Variants in ATP9B observed in about 807,000 individuals in gnomAD.
ATP9B encodes ATPase phospholipid transporting 9B.
Under a neutral mutation model 146.1 loss-of-function variants are expected in ATP9B, and 110 were observed. The ratio of observed to expected loss-of-function variants is 0.75; its 90% confidence interval spans 0.65 to 0.88. The LOEUF (loss-of-function observed/expected upper bound fraction) is 0.88. ATP9B is among the 40% of genes least tolerant of loss of function. The pLI is 0.00. For synonymous variants in ATP9B, 604 were observed against 569.7 expected, an observed-to-expected ratio of 1.06 and a Z score of -0.86; for missense variants, 1,499 against 1,496.4, an observed-to-expected ratio of 1.00 and a Z score of -0.03.
At chr18:79,242,229 C>T (rs984429945) in intron 11 of ATP9B, among the ~76,000 whole-genome samples, 3 of 152,200 alleles carry the variant, frequency 2.0e-5, no homozygotes, top group African/African-American at 4.8e-5. Flanking sequence ...CAACATTTTA[C>T]GGAAGACTTC....
chr18:79,122,899 ATTC>A (rs2094213525), intron 4 of ATP9B, among the ~76,000 whole-genome samples: 1 of 152,138 alleles, frequency 6.6e-6, no homozygotes, highest in South Asian at 2.1e-4. Flanking sequence ...CCTATTGTAT[ATTC>A]TTCACTCTAT....
rs760855601 is a variant in ATP9B, at chr18:79,345,426, A to G, written c.2473-2A>G. Reference sequence around the variant, plus strand: ...CAAAATAACACAGGCTTTGTTTTCCAGGTTTGTCTAAAGTACTACGAGCAT... The same window carrying G: ...CAAAATAACACAGGCTTTGTTTTCCGGGTTTGTCTAAAGTACTACGAGCAT... On this transcript the variant is annotated splice_acceptor_variant, in intron 21 of 29. Coordinates refer to ENST00000426216, the MANE Select transcript of ATP9B (RefSeq NM_198531.5). LOFTEE classifies it high-confidence loss of function. The G allele has an allele frequency of 1.2e-6, 2 of 1,613,128 alleles. No individual in the cohort carries two copies. Among genetic ancestry groups the G allele is most frequent in the African/African-American group, 1.3e-5 (1 of 75,042 alleles).
intron 23 of ATP9B, 122 bp from the exon 24 acceptor site, chr18:79,347,648 A>C (rs1253285942): frequency 8.2e-7 from 1 of 1,214,612 alleles, no homozygotes; most frequent in Non-Finnish European, 1.1e-6. Context: ...CTGAAGCTTT[A>C]CAAGTTCTGC....
chr18:79,377,243 A>G lies in ATP9B; in HGVS notation c.3308-4A>G. 6.2e-7 allele frequency: 1 copy of G among 1,611,346 alleles called. No individual in the cohort carries two copies. The highest frequency in any genetic ancestry group is 8.5e-7 in the Non-Finnish European group (1 of 1,179,982). On this transcript the variant is annotated splice_polypyrimidine_tract_variant and splice_region_variant and intron_variant, in intron 29 of 29. Coordinates refer to ENST00000426216, the MANE Select transcript of ATP9B (RefSeq NM_198531.5). ...TTACCTTTTTCTCTGTTTCCTGCCA[A>G]CAGATGTTGCCTTTATCACCACCGT...
chr18:79,310,848 A>G lies in ATP9B; in HGVS notation c.1773+3614A>G, dbSNP rs116334048. ...TTTATATATGCACGCTAGCACCCCCATTACAGAAATGCTGGGCTGGGGCCA... is the reference window on the plus strand; with the variant it reads ...TTTATATATGCACGCTAGCACCCCCGTTACAGAAATGCTGGGCTGGGGCCA... On this transcript the variant is annotated intron_variant, in intron 15 of 29. Transcript: ENST00000426216. Among the ~76,000 whole-genome samples the G allele has an allele frequency of 6.6e-3, 1,005 of 152,062 alleles. 6 individuals are homozygous for G. The highest frequency in any genetic ancestry group is 0.022 in the African/African-American group (931 of 41,482).
At chr18:79,264,229 A>G (rs1210829075) in intron 12 of ATP9B, among the ~76,000 whole-genome samples, 1 of 152,250 alleles carries the variant, frequency 6.6e-6, no homozygotes, top group Non-Finnish European at 1.5e-5. Context: ...AGAATAGTTC[A>G]CATCCTCAGC....
At chr18:79,096,436 T>C in intron 1 of ATP9B, 40 bp from the exon 2 acceptor site, 4 of 1,576,472 alleles carry the variant, frequency 2.5e-6, no homozygotes, top group Non-Finnish European at 3.5e-6. Context: ...TAAAGAAGAC[T>C]GCTTGGCCTA....
At chr18:79,283,968 A>G (rs2096406607) in intron 13 of ATP9B, among the ~76,000 whole-genome samples, 1 of 152,220 alleles carries the variant, frequency 6.6e-6, no homozygotes. Context: ...TTTTATCTTC[A>G]TGTAGAACAA....
chr18:79,124,256 A>G (rs146105894), intron 4 of ATP9B, among the ~76,000 whole-genome samples: 8 of 152,232 alleles, frequency 5.3e-5, no homozygotes, highest in Non-Finnish European at 1.2e-4. Flanking sequence ...CTAAAATTAG[A>G]TGATGGTGAC....
At chr18:79,217,805 T>C (rs1322590473) in intron 11 of ATP9B, among the ~76,000 whole-genome samples, 1 of 152,160 alleles carries the variant, frequency 6.6e-6, no homozygotes, top group Non-Finnish European at 1.5e-5. Flanking sequence ...CAACAAACTT[T>C]TGGGCTTCAA....
intron 28 of ATP9B, among the ~76,000 whole-genome samples, 195 bp from the exon 29 acceptor site, chr18:79,375,199 T>TA (rs2097096032): frequency 6.6e-6 from 1 of 152,238 alleles, no homozygotes; most frequent in Non-Finnish European, 1.5e-5. Context: ...CTTTAGCTAT[T>TA]GGGTTTCAGT....
chr18:79,201,733 C>T (rs147924164), intron 9 of ATP9B, among the ~76,000 whole-genome samples: 1 of 152,132 alleles, frequency 6.6e-6, no homozygotes, highest in East Asian at 1.9e-4. Context: ...CCAAGCCCAG[C>T]TAATTTTTGT....
chr18:79,345,544 GCACA>G lies in ATP9B; in HGVS notation c.2592_2595del (p.His864GlnfsTer17), dbSNP rs767677559. 1 of 1,610,632 alleles carries G rather than the reference GCACA, an allele frequency of 6.2e-7. No individual in the cohort carries two copies. On this transcript the variant is annotated frameshift_variant, in exon 22 of 30. Transcript: ENST00000426216. LOFTEE classifies it high-confidence loss of function. The stretch of plus-strand genomic sequence containing the variant: ...CCCGCATTGTGACACTGCTGCAGCA[GCACA>G]CAGGGAGACGCACCTGCGCCATCGG...
chr18:79,347,683 AT>A, intron 23 of ATP9B, 86 bp from the exon 24 acceptor site: 2 of 1,425,096 alleles, frequency 1.4e-6, no homozygotes, highest in Non-Finnish European at 1.9e-6. Flanking sequence ...TCTTTGTAAC[AT>A]TTAGGCTGAG....
intron 7 of ATP9B, among the ~76,000 whole-genome samples, chr18:79,169,606 C>T (rs1056883739): frequency 3.3e-5 from 5 of 152,142 alleles, no homozygotes; most frequent in African/African-American, 4.8e-5. Flanking sequence ...TCTTAACATA[C>T]CTTTTCTTAA....
intron 29 of ATP9B, chr18:79,375,819 C>G (rs1175473024): frequency 2.0e-5 from 20 of 985,306 alleles, no homozygotes; most frequent in Non-Finnish European, 2.4e-5. Flanking sequence ...TTCCCTGTGT[C>G]ATTTATTTTA....
intron 26 of ATP9B, chr18:79,360,440 C>G (rs932200081): frequency 2.0e-5 from 3 of 148,164 alleles, no homozygotes; most frequent in African/African-American, 7.3e-5. Context: ...AATTAACCAA[C>G]TAGATTCTTA....
rs957387061 is a variant in ATP9B, at chr18:79,086,637, G to A, written c.120-9839G>A. Among the ~76,000 whole-genome samples the A allele has an allele frequency of 7.2e-5, 11 of 151,814 alleles. No homozygotes were observed. The South Asian group carries it at 1.2e-3, about 17-fold the overall frequency. On this transcript the variant is annotated intron_variant, in intron 1 of 29. Coordinates refer to ENST00000426216, the MANE Select transcript of ATP9B (RefSeq NM_198531.5). The stretch of plus-strand genomic sequence containing the variant: ...TGGCTATATAGCTTCAAATTTTTGG[G>A]TTTGCATTTATATAACATTGGATAT...
At chr18:79,312,123 A>G (rs4798900) in intron 15 of ATP9B, among the ~76,000 whole-genome samples, 136,371 of 152,172 alleles carry the variant, frequency 0.9, 61,253 homozygotes, top group East Asian at 1. Flanking sequence ...TGCCTTCACA[A>G]AGGTGCCTTC....
Sources: gnomAD v4.1 joint callset for allele counts (sites outside exome capture counted in the v4.1 genomes callset) on GRCh38, gnomAD v4.1.1 for gene constraint, MANE v1.5 for transcripts, NCBI Gene and HGNC (gene_info 2026-07-23, HGNC 2026-07-21) for gene names.